Variants in SDK2 observed in about 807,000 individuals in gnomAD.
SDK2 encodes the protein sidekick cell adhesion molecule 2.
Under a neutral mutation model 253.9 loss-of-function variants are expected in SDK2, and 105 were observed. The ratio of observed to expected loss-of-function variants is 0.41; its 90% CI spans 0.35 to 0.49. SDK2 has a LOEUF of 0.49. Ranked by LOEUF, SDK2 falls within the 20% of genes least tolerant of loss-of-function variation. The probability of loss-of-function intolerance (pLI) is 0.06; values close to 1 mark genes in which losing one functional copy is unlikely to be tolerated. For synonymous variants in SDK2, 1,249 were observed against 1,234.9 expected (o/e 1.01, Z -0.24); for missense variants, 2,608 against 3,003.0 (o/e 0.87, Z 3.07).
chr17:73,608,213 G>A (rs1162257619), intron 1 of SDK2, among the ~76,000 whole-genome samples: 3 of 152,056 alleles, frequency 2.0e-5, no homozygotes, highest in African/African-American at 7.2e-5. Context: ...AGGGGTGCTG[G>A]TCGGGTCCTT....
chr17:73,600,691 A>C (rs2045825851), intron 1 of SDK2, among the ~76,000 whole-genome samples: 1 of 152,242 alleles, frequency 6.6e-6, no homozygotes, highest in Non-Finnish European at 1.5e-5. Context: ...TTGATCTGGC[A>C]TCAAGTCCCT....
chr17:73,530,881 T>C (rs1002546722), intron 1 of SDK2, among the ~76,000 whole-genome samples: 3 of 152,170 alleles, frequency 2.0e-5, no homozygotes, highest in Non-Finnish European at 2.9e-5. Flanking sequence ...CCCGTCTGTG[T>C]TCTCTGACAA....
At chr17:73,366,847 G>A (rs1396385877) in intron 37 of SDK2, among the ~76,000 whole-genome samples, 4 of 151,830 alleles carry the variant, frequency 2.6e-5, no homozygotes, top group South Asian at 4.2e-4. Flanking sequence ...CTCTGCACCC[G>A]CCACCCTTCA....
intron 4 of SDK2, among the ~76,000 whole-genome samples, chr17:73,454,675 C>T (rs968251528): frequency 2.0e-5 from 3 of 152,166 alleles, no homozygotes; most frequent in Admixed American, 6.5e-5. Flanking sequence ...ATTCAATAAA[C>T]GGCAGCTGCT....
Position 73,447,551 on chromosome 17 carries a change from G to A in SDK2, c.613+64C>T. 3 of 1,538,812 alleles carry A rather than the reference G, an allele frequency of 1.9e-6. No individual in the cohort carries two copies. In the South Asian group the frequency reaches 3.6e-5, roughly 18 times the overall value. ...CACTCCATCTTCCCAATGATCCCCT[G>A]GAGCACCATTGCTAAGATTTAATGG... On this transcript the variant is annotated intron_variant, in intron 5 of 44. Transcript: ENST00000392650. This position sits in a 1 kb window ranked among gnomAD's most constrained non-coding sequence, Gnocchi z 4.0.
intron 1 of SDK2, among the ~76,000 whole-genome samples, chr17:73,595,263 G>C (rs559971839): frequency 6.6e-6 from 1 of 152,158 alleles, no homozygotes; most frequent in Non-Finnish European, 1.5e-5. Flanking sequence ...AGGCAGGCCT[G>C]GGGGAGAGCG....
At chr17:73,550,392 G>T (rs2045036545) in intron 1 of SDK2, among the ~76,000 whole-genome samples, 1 of 152,192 alleles carries the variant, frequency 6.6e-6, no homozygotes, top group Non-Finnish European at 1.5e-5. Flanking sequence ...CTCAATTACT[G>T]CCAAAATGAG....
Position 73,375,810 on chromosome 17 carries a change from C to T in SDK2, c.4980+3367G>A, listed in dbSNP as rs144381384. Among the ~76,000 whole-genome samples the T allele has an allele frequency of 2.2e-3, 327 of 148,128 alleles. 1 individual carries two copies. The highest frequency in any genetic ancestry group is 7.2e-3 in the African/African-American group (288 of 40,114). The stretch of plus-strand genomic sequence containing the variant: ...GGCAGAGGTTGCAGTGAGCCAAGAT[C>T]GCACCACTGCACTTCAGCCTGGGTG... On this transcript the variant is annotated intron_variant, in intron 36 of 44. Coordinates refer to ENST00000392650, the MANE Select transcript of SDK2 (RefSeq NM_001144952.2).
intron 1 of SDK2, among the ~76,000 whole-genome samples, chr17:73,596,815 C>T (rs965852893): frequency 5.9e-5 from 9 of 152,202 alleles, no homozygotes; most frequent in African/African-American, 2.2e-4. Flanking sequence ...GGGGATAGCT[C>T]CCTGCCATGG....
intron 6 of SDK2, among the ~76,000 whole-genome samples, chr17:73,439,074 C>T (rs2063394429): frequency 6.6e-6 from 1 of 152,192 alleles, no homozygotes; most frequent in South Asian, 2.1e-4. Flanking sequence ...GTGTTACCCA[C>T]TTGGTGATGG....
intron 8 of SDK2, among the ~76,000 whole-genome samples, chr17:73,436,738 C>T (rs1245755013): frequency 6.6e-6 from 1 of 152,072 alleles, no homozygotes; most frequent in Non-Finnish European, 1.5e-5. Flanking sequence ...ATCCAATCCA[C>T]CATGCGCTCT....
rs79817449 is a variant in SDK2 at position 73,609,535 on chromosome 17, A to C, written c.64+34490T>G. Reference sequence around the variant, plus strand: ...AGACAGGGGCATTAGCAACTTTTTCATGACATTTTGCTGCAAAGGGAGCAA... The same window carrying C: ...AGACAGGGGCATTAGCAACTTTTTCCTGACATTTTGCTGCAAAGGGAGCAA... On this transcript the variant is annotated intron_variant, in intron 1 of 44. Transcript: ENST00000392650. This position sits in a 1 kb window ranked among gnomAD's most constrained non-coding sequence, Gnocchi z 4.4. 1.3e-5 allele frequency among the ~76,000 whole-genome samples: 2 copies of C among 152,204 alleles called. No individual in the cohort carries two copies. Among genetic ancestry groups the C allele is most frequent in the Non-Finnish European group, 2.9e-5 (2 of 68,038 alleles).
intron 18 of SDK2, among the ~76,000 whole-genome samples, chr17:73,409,582 A>T (rs553893730): frequency 1.3e-4 from 20 of 152,146 alleles, no homozygotes; most frequent in African/African-American, 4.8e-4. Flanking sequence ...GTGAGCTGAG[A>T]TTGCGCCATT....
At chr17:73,483,374 G>A (rs1474946759) in intron 2 of SDK2, among the ~76,000 whole-genome samples, 7 of 140,774 alleles carry the variant, frequency 5.0e-5, no homozygotes, top group South Asian at 2.3e-4. Context: ...GTGCAGTGGC[G>A]CGATCTCGGC....
intron 1 of SDK2, among the ~76,000 whole-genome samples, chr17:73,591,762 C>T (rs888586157): frequency 2.0e-5 from 3 of 152,064 alleles, no homozygotes; most frequent in Admixed American, 6.6e-5. Context: ...CATCCAGCAC[C>T]CCCTACTCAT....
In SDK2 at chr17:73,383,082, C is replaced by A. The variant is rs927456415; in HGVS notation, c.4705+794G>T. On this transcript the variant is annotated intron_variant, in intron 33 of 44. Coordinates refer to ENST00000392650, the MANE Select transcript of SDK2 (RefSeq NM_001144952.2). The surrounding 1 kb of genome is among the most constrained non-coding windows in gnomAD (Gnocchi z 4.3). ...AGTCCTGGAGCATCTGCGCCCATCA[C>A]ATATCATCTCCCATACTGGCCTCGG... Among the ~76,000 whole-genome samples the A allele has an allele frequency of 2.0e-5, 3 of 152,186 alleles. No individual in the cohort carries two copies. Among genetic ancestry groups the A allele is most frequent in the Admixed American group, 6.5e-5 (1 of 15,270 alleles).
intron 1 of SDK2, among the ~76,000 whole-genome samples, chr17:73,546,080 G>A (rs2044959271): frequency 6.6e-6 from 1 of 151,924 alleles, no homozygotes; most frequent in African/African-American, 2.4e-5. Flanking sequence ...TTTCAGGAAA[G>A]TGTTGGGGGA....
chr17:73,492,859 G>C (rs2063816116), intron 2 of SDK2, among the ~76,000 whole-genome samples: 1 of 152,146 alleles, frequency 6.6e-6, no homozygotes, highest in Non-Finnish European at 1.5e-5. Flanking sequence ...CAGCCCCCAG[G>C]AAGCAGGGGT....
intron 27 of SDK2, 116 bp downstream of exon 27, chr17:73,393,444 C>G: frequency 1.1e-6 from 1 of 936,486 alleles, no homozygotes. Flanking sequence ...CCGGAGGCAT[C>G]TGAGGCCATG....
Sources: gnomAD v4.1 joint callset for allele counts (sites outside exome capture counted in the v4.1 genomes callset) on GRCh38, gnomAD v4.1.1 for gene constraint, Gnocchi (gnomAD v3.1) non-coding constraint, MANE v1.5 for transcripts, NCBI Gene and HGNC (gene_info 2026-07-23, HGNC 2026-07-21) for gene names.